The following MMP13 variants were observed in gnomAD, a reference collection of about 807,000 sequenced individuals.
MMP13 encodes collagenase 3.
In MMP13, 45 loss-of-function variants were observed where a neutral mutation model predicts 52.1. The observed-to-expected ratio is 0.86, with a 90% CI of 0.68 to 1.11. The LOEUF is 1.11. Among genes scored for constraint, MMP13 ranks in the 50% least tolerant of loss-of-function variants. The pLI is 0.00. For missense variants in MMP13, 576 were observed against 583.8 expected (o/e 0.99, Z 0.14); for synonymous variants, 200 against 204.4 (o/e 0.98, Z 0.18).
chr11:102,948,583 G>A (rs1165956959), intron 7 of MMP13, among the ~76,000 whole-genome samples: 2 of 152,044 alleles, frequency 1.3e-5, no homozygotes, highest in African/African-American at 4.8e-5. Flanking sequence ...GTCAAGGAAA[G>A]CAGTAGAATA....
In MMP13 at chr11:102,948,895, A is replaced by C. The variant is rs1860560746; in HGVS notation, c.1051+130T>G. On this transcript the variant is annotated intron_variant, in intron 7 of 9. Coordinates refer to ENST00000260302, the MANE Select transcript of MMP13 (RefSeq NM_002427.4). ...TGGTTTCAGGTACTTTCTGGCTTCC[A>C]TTTTTTTAATACTTGGTCTTTAATT... 3 of 1,318,706 alleles carry C rather than the reference A, an allele frequency of 2.3e-6. No homozygotes were observed. The Admixed American group carries it at 5.3e-5, about 23-fold the overall frequency. 81.7% of individuals were successfully genotyped at this position (1,318,706 alleles called of 1,614,324 possible). A position where few individuals can be genotyped will look rare whatever the true frequency, so the allele number is the denominator to read the frequency against.
At chr11:102,945,849 A>AT in intron 8 of MMP13, 100 bp from the exon 9 acceptor site, 2 of 681,588 alleles carry the variant, frequency 2.9e-6, no homozygotes, top group Non-Finnish European at 5.0e-6. Context: ...ATTGACAAGA[A>AT]TTTTAAAATT....
chr11:102,953,659 A>G (rs1401529647), intron 4 of MMP13, among the ~76,000 whole-genome samples: 1 of 152,180 alleles, frequency 6.6e-6, no homozygotes, highest in Non-Finnish European at 1.5e-5. Context: ...GGTTTTTAAG[A>G]ATAGTGTTTA....
At position 102,950,005 on chromosome 11, in the gene MMP13, G is replaced by A. The variant is rs1157276681; in HGVS notation, c.917+105C>T. On this transcript the variant is annotated intron_variant, in intron 6 of 9. Transcript: ENST00000260302. ...AATAAACTGCCTGCCCATTTTTACT[G>A]CTAACTTCGCCTTTGGAAGTCTGAC... The A allele has an allele frequency of 3.2e-6, 3 of 926,776 alleles. No individual in the cohort carries two copies. In the African/African-American group the frequency reaches 4.9e-5, roughly 15 times the overall value. The allele number at this position is 926,776 out of a possible 1,614,324, so 57.4% of individuals were successfully genotyped here.
intron 9 of MMP13, 81 bp from the exon 10 acceptor site, chr11:102,944,447 C>T (rs1555016419): frequency 4.1e-6 from 4 of 971,772 alleles, no homozygotes; most frequent in East Asian, 4.9e-5. Flanking sequence ...GGTTCAATCT[C>T]TTAGATCCCA....
In MMP13 at chr11:102,944,200, C is replaced by A. The variant is rs1555016373; in HGVS notation, c.*66G>T. 8.4e-7 allele frequency: 1 copy of A among 1,191,786 alleles called. No homozygotes were observed. Among genetic ancestry groups the A allele is most frequent in the Non-Finnish European group, 1.3e-6 (1 of 799,936 alleles). 73.8% of individuals were successfully genotyped at this position (1,191,786 alleles called of 1,614,324 possible). On this transcript the variant is annotated 3_prime_UTR_variant, in exon 10 of 10. Coordinates refer to ENST00000260302, the MANE Select transcript of MMP13 (RefSeq NM_002427.4). ...TCCTGATAGCTCTTCTTCCCCTACC[C>A]CGCACTTCTGGAAGTATTACCCCAA...
chr11:102,953,927 C>T (rs565384931), intron 4 of MMP13, among the ~76,000 whole-genome samples: 7 of 152,250 alleles, frequency 4.6e-5, no homozygotes, highest in Non-Finnish European at 1.0e-4. Flanking sequence ...TCATTAGTAT[C>T]CCTCAAGCCA....
In MMP13 at chr11:102,949,650, G is replaced by T. The variant is rs1860576237; in HGVS notation, c.917+460C>A. Among the ~76,000 whole-genome samples the T allele has an allele frequency of 6.6e-6, 1 of 152,096 alleles. No homozygotes were observed. The highest frequency in any genetic ancestry group is 1.5e-5 in the Non-Finnish European group (1 of 68,010). On this transcript the variant is annotated intron_variant, in intron 6 of 9. Transcript: ENST00000260302. This position sits in a 1 kb window ranked among gnomAD's most constrained non-coding sequence, Gnocchi z 4.2. The stretch of plus-strand genomic sequence containing the variant: ...GATCAATGAATGAATGAATAAACAA[G>T]CATACTGGAACAGTGTAGAAATTAA...
chr11:102,951,926 G>T, intron 5 of MMP13, 86 bp downstream of exon 5: 1 of 1,390,800 alleles, frequency 7.2e-7, no homozygotes. Context: ...ACATTATTAT[G>T]CAGCATGACT....
In MMP13 at chr11:102,943,758, T is replaced by G. The variant is rs1176289244; in HGVS notation, c.*508A>C. The stretch of plus-strand genomic sequence containing the variant: ...GAAGGGCACATACATCTGAATATCC[T>G]CAGTGCAAAATGAAAATTATTTATT... On this transcript the variant is annotated 3_prime_UTR_variant, in exon 10 of 10. Transcript: ENST00000260302. 2 of 163,428 alleles carry G rather than the reference T, an allele frequency of 1.2e-5. No individual in the cohort carries two copies. The highest frequency in any genetic ancestry group is 4.8e-5 in the African/African-American group (2 of 41,506). The allele number at this position is 163,428 out of a possible 1,614,324, so 10.1% of individuals were successfully genotyped here. A position where few individuals can be genotyped will look rare whatever the true frequency, so the allele number is the denominator to read the frequency against.
Position 102,954,539 on chromosome 11 carries a change from C to G in MMP13, c.430G>C (p.Val144Leu). The change falls in exon 3 of 10, where the codon GTT becomes CTT. Residue 144 changes from valine (V) to leucine (L), a missense_variant. By Grantham distance (32) the Val-to-Leu change is conservative. Transcript: ENST00000260302. Reference protein sequence around the residue: ...VEKAFKKAFKVWSDVTPLNFT... With the variant: ...VEKAFKKAFKLWSDVTPLNFT... ...TTCAGAGGAGTTACATCGGACCAAA[C>G]TTTGAAGGCTTTTTTGAATGCCTTT... 2 of 1,613,654 alleles carry G rather than the reference C, an allele frequency of 1.2e-6. No individual in the cohort carries two copies. Among genetic ancestry groups the G allele is most frequent in the Non-Finnish European group, 8.5e-7 (1 of 1,179,714 alleles).
Position 102,955,581 on chromosome 11 carries a change from T to C in MMP13, c.120+5A>G. 1 of 1,614,008 alleles carries C rather than the reference T, an allele frequency of 6.2e-7. No individual in the cohort carries two copies. The highest frequency in any genetic ancestry group is 8.5e-7 in the Non-Finnish European group (1 of 1,179,900). ...CGCATCATCAGGATTGGCAAGATAC[T>C]CTACCTCTGCAAACTGGAGGTCTTC... On this transcript the variant is annotated splice_donor_5th_base_variant and intron_variant, in intron 1 of 9. Coordinates refer to ENST00000260302, the MANE Select transcript of MMP13 (RefSeq NM_002427.4). This position sits in a 1 kb window ranked among gnomAD's most constrained non-coding sequence, Gnocchi z 4.9.
In MMP13 at chr11:102,952,303, C is replaced by T. The variant is rs1374500975; in HGVS notation, c.638-130G>A. 5 of 979,374 alleles carry T rather than the reference C, an allele frequency of 5.1e-6. No individual in the cohort carries two copies. The highest frequency in any genetic ancestry group is 7.7e-6 in the Non-Finnish European group (5 of 649,658). 60.7% of individuals were successfully genotyped at this position (979,374 alleles called of 1,614,324 possible). A position where few individuals can be genotyped will look rare whatever the true frequency, so the allele number is the denominator to read the frequency against. On this transcript the variant is annotated intron_variant, in intron 4 of 9. Transcript: ENST00000260302. This position sits in a 1 kb window ranked among gnomAD's most constrained non-coding sequence, Gnocchi z 4.3. The stretch of plus-strand genomic sequence containing the variant: ...ACTTTCTTTTCTCTTTCTTCAGTCT[C>T]CTACTTTTTAAAATCAATATTCAGT...
chr11:102,950,236 G>A lies in MMP13; in HGVS notation c.800-9C>T, dbSNP rs17860556. On this transcript the variant is annotated splice_polypyrimidine_tract_variant and intron_variant, in intron 5 of 9. Coordinates refer to ENST00000260302, the MANE Select transcript of MMP13 (RefSeq NM_002427.4). ...GTCTTCATCTCCTGGACCTGTAGTCGTGAAAGGCAAGAGAGAAGTTATGAG... is the reference window on the plus strand; with the variant it reads ...GTCTTCATCTCCTGGACCTGTAGTCATGAAAGGCAAGAGAGAAGTTATGAG... 67,716 of 1,594,734 alleles carry A rather than the reference G, an allele frequency of 0.042. 1,597 individuals are homozygous for A. The highest frequency in any genetic ancestry group is 0.054 in the South Asian group (4,901 of 90,660).
Position 102,947,874 on chromosome 11 carries a change from ACC to A in MMP13, c.1211+15_1211+16del. 1.9e-6 allele frequency: 3 copies of A among 1,613,760 alleles called. No homozygotes were observed. Among genetic ancestry groups the A allele is most frequent in the Non-Finnish European group, 2.5e-6 (3 of 1,179,772 alleles). Reference sequence around the variant, plus strand: ...GCGGCTATGACACAGATGGGTCAGTACCTACTGCTGCCATACCTCCAGACCTG... The same window carrying A: ...GCGGCTATGACACAGATGGGTCAGTATACTGCTGCCATACCTCCAGACCTG... On this transcript the variant is annotated intron_variant, in intron 8 of 9. Transcript: ENST00000260302.
rs551944248 is a variant in MMP13, at chr11:102,954,375, A to G, written c.511+83T>C. The stretch of plus-strand genomic sequence containing the variant: ...TTAGTGTTGAATTCTTTAAAAAGTA[A>G]TGAATGACTGAAATAAATAATTTTA... On this transcript the variant is annotated intron_variant, in intron 3 of 9. Transcript: ENST00000260302. 3.1e-6 allele frequency: 5 copies of G among 1,598,190 alleles called. No homozygotes were observed. The East Asian group carries it at 6.7e-5, about 21-fold the overall frequency.
rs140059558 is a variant in MMP13 at position 102,954,174 on chromosome 11, A to C, written c.619T>G (p.Trp207Gly). The C allele has an allele frequency of 6.2e-5, 100 of 1,613,540 alleles. No homozygotes were observed. The highest frequency in any genetic ancestry group is 1.7e-4 in the Middle Eastern group (1 of 6,054). ...ACATTACCTTTGGAACTACTTGTCC[A>C]GGTTTCATCATCATCAAAATGGGCA... is the stretch of plus-strand genomic sequence containing the variant. Reference protein sequence around the residue: ...GDAHFDDDETWTSSSKGYNLF... With the variant: ...GDAHFDDDETGTSSSKGYNLF... The change falls in exon 4 of 10, where the codon TGG (tryptophan) becomes GGG (glycine). Residue 207 changes from tryptophan to glycine, a missense_variant. Physicochemically the swap from Trp to Gly is radical, Grantham distance 184 (BLOSUM62 -2). Coordinates refer to ENST00000260302, the MANE Select transcript of MMP13 (RefSeq NM_002427.4).
rs1860463368 is a variant in MMP13 at position 102,944,432 on chromosome 11, T to G, written c.1316-66A>C. The G allele has an allele frequency of 1.7e-5, 20 of 1,155,252 alleles. No individual in the cohort carries two copies. In the South Asian group the frequency reaches 2.3e-4, roughly 14 times the overall value. The allele number at this position is 1,155,252 out of a possible 1,614,324, so 71.6% of individuals were successfully genotyped here. A position where few individuals can be genotyped will look rare whatever the true frequency, so the allele number is the denominator to read the frequency against. ...TAATAAGGTTTTAATCCAGTTAATA[T>G]TAATGGTTCAATCTCTTAGATCCCA... On this transcript the variant is annotated intron_variant, in intron 9 of 9. Coordinates refer to ENST00000260302, the MANE Select transcript of MMP13 (RefSeq NM_002427.4).
chr11:102,950,164 A>G lies in MMP13; in HGVS notation c.863T>C (p.Leu288Ser). 6.2e-7 allele frequency: 1 copy of G among 1,613,894 alleles called. No individual in the cohort carries two copies. Among genetic ancestry groups the G allele is most frequent in the South Asian group, 1.1e-5 (1 of 91,080 alleles). ...GAGACTGGTAATGGCATCAAGGGATAAGGAAGGGTCACATTTGTCTGGCGT... is the reference window on the plus strand; with the variant it reads ...GAGACTGGTAATGGCATCAAGGGATGAGGAAGGGTCACATTTGTCTGGCGT... Reference protein sequence around the residue: ...PKTPDKCDPSLSLDAITSLRG... With the variant: ...PKTPDKCDPSSSLDAITSLRG... Residue 288 changes from leucine (L) to serine (S), a missense_variant, in exon 6 of 10, where the codon TTA (leucine) becomes TCA (serine). Coordinates refer to ENST00000260302, the MANE Select transcript of MMP13 (RefSeq NM_002427.4).
Sources: allele counts gnomAD v4.1 joint callset (sites outside exome capture counted in the v4.1 genomes callset), GRCh38; gene constraint gnomAD v4.1.1; non-coding constraint Gnocchi (gnomAD v3.1); transcripts MANE v1.5; gene names NCBI Gene and HGNC (gene_info 2026-07-23, HGNC 2026-07-21).